Variants in SETBP1 observed in about 807,000 individuals in gnomAD.
SETBP1 encodes the protein SET-binding protein.
Under a neutral mutation model 101.0 loss-of-function variants are expected in SETBP1, and 9 were observed. That is an observed-to-expected ratio of 0.09 (90% CI 0.05 to 0.16). The LOEUF (loss-of-function observed/expected upper bound fraction) is 0.16, where lower values mean the gene tolerates loss of function less well. Among genes scored for constraint, SETBP1 ranks in the 10% least tolerant of loss-of-function variants. The pLI is 1.00. For missense variants in SETBP1, 1,858 were observed against 2,033.8 expected, an observed-to-expected ratio of 0.91 and a Z score of 1.66; for synonymous variants, 818 against 788.5, an observed-to-expected ratio of 1.04 and a Z score of -0.63.
intron 4 of SETBP1, among the ~76,000 whole-genome samples, chr18:44,961,810 G>C (rs1252567688): frequency 2.0e-5 from 3 of 152,198 alleles, no homozygotes; most frequent in Non-Finnish European, 4.4e-5. Flanking sequence ...ATTCCTTTCT[G>C]TGGTACCTTG....
chr18:44,750,206 A>C (rs913406605), intron 2 of SETBP1, among the ~76,000 whole-genome samples: 1 of 152,222 alleles, frequency 6.6e-6, no homozygotes, highest in African/African-American at 2.4e-5. Flanking sequence ...AACAACAGAC[A>C]TGTATTTCCC....
chr18:44,936,604 A>G (rs1168037383), intron 3 of SETBP1, among the ~76,000 whole-genome samples: 1 of 152,140 alleles, frequency 6.6e-6, no homozygotes, highest in Non-Finnish European at 1.5e-5. Flanking sequence ...AAAAACAGCC[A>G]TAGGAGGGGG....
chr18:45,061,841 T>C (rs572849151), intron 5 of SETBP1, among the ~76,000 whole-genome samples: 9 of 152,192 alleles, frequency 5.9e-5, no homozygotes, highest in Admixed American at 1.3e-4. Flanking sequence ...AATGATAAAA[T>C]GCAACACACT....
At chr18:44,925,258 A>AG (rs1351137943) in intron 3 of SETBP1, among the ~76,000 whole-genome samples, 1 of 151,954 alleles carries the variant, frequency 6.6e-6, no homozygotes, top group Admixed American at 6.6e-5. Flanking sequence ...AAAATACTTA[A>AG]GAACCTCCTT....
intron 2 of SETBP1, among the ~76,000 whole-genome samples, chr18:44,794,901 C>T (rs913191342): frequency 3.9e-5 from 6 of 152,142 alleles, no homozygotes; most frequent in African/African-American, 1.4e-4. Context: ...AAGCAGGAAA[C>T]ATTCATGGAT....
At chr18:44,772,859 A>G (rs868631492) in intron 2 of SETBP1, among the ~76,000 whole-genome samples, 2 of 152,228 alleles carry the variant, frequency 1.3e-5, no homozygotes, top group Middle Eastern at 3.2e-3. Context: ...AAAACATGTT[A>G]GATCTTAACA....
intron 2 of SETBP1, among the ~76,000 whole-genome samples, chr18:44,710,359 G>A (rs1047069518): frequency 1.3e-5 from 2 of 151,920 alleles, no homozygotes; most frequent in African/African-American, 4.8e-5. Flanking sequence ...ACAGGGTGGG[G>A]TCTCAGAGTC....
At chr18:44,857,834 A>G (rs2073008212) in intron 2 of SETBP1, among the ~76,000 whole-genome samples, 1 of 152,216 alleles carries the variant, frequency 6.6e-6, no homozygotes, top group Non-Finnish European at 1.5e-5. Flanking sequence ...GGGAGATCTA[A>G]TCCACATTTG....
intron 2 of SETBP1, among the ~76,000 whole-genome samples, chr18:44,753,448 A>C (rs2070430377): frequency 6.6e-6 from 1 of 152,184 alleles, no homozygotes; most frequent in East Asian, 1.9e-4. Flanking sequence ...ATGTCGTAGA[A>C]ATGCCTTTGC....
intron 2 of SETBP1, among the ~76,000 whole-genome samples, chr18:44,822,760 C>A (rs2072140057): frequency 6.6e-6 from 1 of 152,232 alleles, no homozygotes; most frequent in African/African-American, 2.4e-5. Context: ...AAACCTGGGC[C>A]TCTGACTTAG....
chr18:45,005,063 A>G (rs1195627866), intron 4 of SETBP1, among the ~76,000 whole-genome samples: 7 of 152,202 alleles, frequency 4.6e-5, no homozygotes, highest in Non-Finnish European at 1.0e-4. Context: ...TTGGCGCAGC[A>G]TCTCAGTGAA....
chr18:44,852,382 GCT>G (rs2072887809), intron 2 of SETBP1, among the ~76,000 whole-genome samples: 6 of 152,158 alleles, frequency 3.9e-5, no homozygotes, highest in Non-Finnish European at 8.8e-5. Context: ...CTGCACCATT[GCT>G]GCAAACATGC....
chr18:44,784,428 T>C (rs908726390), intron 2 of SETBP1, among the ~76,000 whole-genome samples: 1 of 152,236 alleles, frequency 6.6e-6, no homozygotes, highest in African/African-American at 2.4e-5. Context: ...ATCTGTTCTC[T>C]GCCTTCACAT....
At chr18:44,791,933 T>A (rs1278543945) in intron 2 of SETBP1, among the ~76,000 whole-genome samples, 1 of 152,050 alleles carries the variant, frequency 6.6e-6, no homozygotes, top group African/African-American at 2.4e-5. Flanking sequence ...CCTACTCAAC[T>A]GTGGGGAAGG....
Position 44,952,790 on chromosome 18 carries a change from G to GAAACAC in SETBP1, c.3459_3464dup (p.His1158_Lys1159dup). Reference sequence around the variant, plus strand: ...TGTCCAGTGGTCGGCTCCATAAGAGGAAACACAAACACAAGCATAAGCACA... The same window carrying GAAACAC: ...TGTCCAGTGGTCGGCTCCATAAGAGGAAACACAAACACAAACACAAGCATAAGCACA... On this transcript the variant is annotated inframe_insertion, in exon 4 of 6. Transcript: ENST00000649279. The GAAACAC allele has an allele frequency of 6.2e-7, 1 of 1,614,036 alleles. No individual in the cohort carries two copies. The highest frequency in any genetic ancestry group is 8.5e-7 in the Non-Finnish European group (1 of 1,180,020).
At chr18:45,015,774 T>C (rs180989485) in intron 4 of SETBP1, among the ~76,000 whole-genome samples, 83 of 152,176 alleles carry the variant, frequency 5.5e-4, no homozygotes, top group African/African-American at 1.9e-3. Context: ...TATCTTGGGG[T>C]GAACAGAGAA....
intron 2 of SETBP1, among the ~76,000 whole-genome samples, chr18:44,867,263 T>C (rs994675535): frequency 1.3e-5 from 2 of 152,224 alleles, no homozygotes; most frequent in African/African-American, 4.8e-5. Flanking sequence ...ACCTTTCTCC[T>C]TAAGGTCGGC....
chr18:44,965,284 AACACACACACAC>A (rs60728043), intron 4 of SETBP1, among the ~76,000 whole-genome samples: 2 of 147,024 alleles, frequency 1.4e-5, no homozygotes, highest in Non-Finnish European at 3.0e-5. Context: ...CATGCACACA[AACACACACACAC>A]ACACACACAC....
At chr18:44,708,793 A>G (rs1428480144) in intron 2 of SETBP1, among the ~76,000 whole-genome samples, 1 of 152,060 alleles carries the variant, frequency 6.6e-6, no homozygotes, top group Non-Finnish European at 1.5e-5. Flanking sequence ...ACAAAGCAGC[A>G]TTTTCCCTCT....
Sources: gnomAD v4.1 joint callset for allele counts (sites outside exome capture counted in the v4.1 genomes callset) on GRCh38, gnomAD v4.1.1 for gene constraint, MANE v1.5 for transcripts, NCBI Gene and HGNC (gene_info 2026-07-23, HGNC 2026-07-21) for gene names.